The following ATRX variants were observed in gnomAD, a reference collection of about 807,000 sequenced individuals.
The protein encoded by ATRX is chromatin remodeler ATRX.
ATRX carries 12 observed loss-of-function variants against 172.6 expected under a neutral mutation model. The ratio of observed to expected loss-of-function variants is 0.07; its 90% CI spans 0.04 to 0.11. The LOEUF is 0.11. ATRX is among the 10% of genes least tolerant of loss of function. ATRX has a pLI of 1.00. For synonymous variants in ATRX, 674 were observed against 594.7 expected (o/e 1.13, Z -1.94); for missense variants, 1,368 against 1,767.4 (o/e 0.77, Z 4.05).
intron 30 of ATRX, among the ~76,000 whole-genome samples, chrX:77,530,053 T>C (rs2063518378): frequency 9.0e-6 from 1 of 111,225 alleles, no homozygotes; most frequent in Non-Finnish European, 1.9e-5. Flanking sequence ...AATAGGAAAA[T>C]ACTCCTCAGC....
rs782342279 is a variant in ATRX, at chrX:77,522,376, G to A, written c.6862C>T (p.Arg2288Cys). 4.1e-6 allele frequency: 5 copies of A among 1,208,073 alleles called. No individual in the cohort carries two copies. Among genetic ancestry groups the A allele is most frequent in the South Asian group, 1.8e-5 (1 of 56,790 alleles). Residue 2288 changes from arginine to cysteine, a missense_variant, in exon 32 of 35, where the codon CGT becomes TGT. This residue lies in a region of ATRX where 100 missense variants were observed against 153.9 expected (regional missense o/e 0.65). Coordinates refer to ENST00000373344, the MANE Select transcript of ATRX (RefSeq NM_000489.6). ...TTGGTCCCAGTTGGTATGTTGAAAC[G>A]CATGGTCAGTCCCTAAAAACAAAAA... ...YEAEKKGLTM[R>C]FNIPTGTNLP...
intron 3 of ATRX, among the ~76,000 whole-genome samples, chrX:77,698,220 G>A (rs1355281637): frequency 9.0e-6 from 1 of 111,196 alleles, no homozygotes; most frequent in Non-Finnish European, 1.9e-5. Context: ...GTTATGAGTT[G>A]CTATAATAAT....
chrX:77,632,586 C>A (rs1280885628), intron 19 of ATRX, among the ~76,000 whole-genome samples: 1 of 111,933 alleles, frequency 8.9e-6, no homozygotes, highest in African/African-American at 3.2e-5. Context: ...AATAAAACCT[C>A]AATAGTGTCT....
At chrX:77,555,377 A>G (rs2064734603) in intron 30 of ATRX, among the ~76,000 whole-genome samples, 2 of 111,776 alleles carry the variant, frequency 1.8e-5, no homozygotes, top group South Asian at 7.5e-4. Flanking sequence ...AAGGATTATA[A>G]ATCATTCTAC....
intron 1 of ATRX, among the ~76,000 whole-genome samples, chrX:77,739,224 G>A (rs782775787): frequency 9.0e-6 from 1 of 110,568 alleles, no homozygotes; most frequent in South Asian, 3.8e-4. Context: ...ACTTATGAGC[G>A]AGAACATAAC....
intron 34 of ATRX, among the ~76,000 whole-genome samples, chrX:77,511,939 C>T (rs2062884344): frequency 9.0e-6 from 1 of 111,326 alleles, no homozygotes; most frequent in Admixed American, 9.6e-5. Context: ...TTCCCCAAGC[C>T]TAGAGAAAAC....
chrX:77,708,735 G>T (rs1211808644), intron 2 of ATRX, among the ~76,000 whole-genome samples: 1 of 111,605 alleles, frequency 9.0e-6, no homozygotes, highest in Non-Finnish European at 1.9e-5. Context: ...TTAGAGCTAG[G>T]GGGTGATAGC....
At chrX:77,555,906 G>A (rs1557058715) in intron 30 of ATRX, among the ~76,000 whole-genome samples, 1 of 109,652 alleles carries the variant, frequency 9.1e-6, no homozygotes, top group Non-Finnish European at 1.9e-5. Context: ...CAGGCGCGGT[G>A]GCTCACACCT....
At chrX:77,625,157 T>C (rs1557102178) in intron 19 of ATRX, among the ~76,000 whole-genome samples, 1 of 112,152 alleles carries the variant, frequency 8.9e-6, no homozygotes, top group African/African-American at 3.2e-5. Flanking sequence ...GACACCCTTT[T>C]CAACAAATGG....
intron 27 of ATRX, among the ~76,000 whole-genome samples, chrX:77,582,289 A>C (rs966342073): frequency 1.0e-4 from 11 of 109,363 alleles, no homozygotes; most frequent in Non-Finnish European, 2.1e-4. Context: ...AATCTCAGCT[A>C]CTCAGGAGGC....
At chrX:77,712,318 T>C (rs993632474) in intron 2 of ATRX, among the ~76,000 whole-genome samples, 7 of 112,303 alleles carry the variant, frequency 6.2e-5, no homozygotes. Flanking sequence ...CAATTGGTAT[T>C]TGTGAGTGAC....
intron 15 of ATRX, among the ~76,000 whole-genome samples, chrX:77,637,733 A>T (rs1282019416): frequency 9.1e-6 from 1 of 109,595 alleles, no homozygotes; most frequent in Non-Finnish European, 1.9e-5. Flanking sequence ...CCTGAGGTCA[A>T]GAGTTCAAGA....
At chrX:77,625,837 T>C (rs1406761898) in intron 19 of ATRX, among the ~76,000 whole-genome samples, 1 of 108,403 alleles carries the variant, frequency 9.2e-6, no homozygotes, top group Non-Finnish European at 1.9e-5. Flanking sequence ...TGGAGATTCC[T>C]TAAAGAACTA....
At chrX:77,734,170 G>A (rs2074429205) in intron 1 of ATRX, among the ~76,000 whole-genome samples, 1 of 110,465 alleles carries the variant, frequency 9.1e-6, no homozygotes, top group African/African-American at 3.3e-5. Context: ...TCGTGCCAGT[G>A]CACTCCAGCC....
At chrX:77,696,797 G>A in intron 4 of ATRX, 93 bp from the exon 5 acceptor site, 3 of 927,589 alleles carry the variant, frequency 3.2e-6, no homozygotes, top group Non-Finnish European at 4.6e-6. Context: ...ATTGAGCAGT[G>A]GGTCTCAACA....
chrX:77,595,740 A>C (rs2066445267), intron 25 of ATRX: 1 of 111,626 alleles, frequency 9.0e-6, no homozygotes, highest in African/African-American at 3.2e-5. Context: ...TAGGCTTATC[A>C]GTTCCCTCCT....
At position 77,507,323 on chromosome X, in the gene ATRX, A is replaced by G. The variant is rs2062734099; in HGVS notation, c.*1028T>C. On this transcript the variant is annotated 3_prime_UTR_variant, in exon 35 of 35. Transcript: ENST00000373344. ...GGAATTATTTCACAATACTGATAGT[A>G]CTGGGAATTGTTAAAAGTACATTCC... The G allele has an allele frequency of 5.8e-6, 1 of 172,448 alleles. No individual in the cohort carries two copies. The highest frequency in any genetic ancestry group is 1.1e-5 in the Non-Finnish European group (1 of 90,225). The allele number at this position is 172,448 out of a possible 1,213,427, so 14.2% of individuals were successfully genotyped here.
chrX:77,683,528 T>C lies in ATRX; in HGVS notation c.1728A>G (p.Ser576=), dbSNP rs2148616057. 2 of 1,208,582 alleles carry C rather than the reference T, an allele frequency of 1.7e-6. No homozygotes were observed. Among genetic ancestry groups the C allele is most frequent in the Non-Finnish European group, 2.2e-6 (2 of 892,626 alleles). The change falls in exon 9 of 35, where the codon TCA becomes TCG. Residue 576 remains serine, a synonymous_variant. Transcript: ENST00000373344. Reference sequence around the variant, plus strand: ...CTTTTGTTACTTTAGCTGTAGTTTTTGATTTAATACCTCCTCTGTTGTCTT... The same window carrying C: ...CTTTTGTTACTTTAGCTGTAGTTTTCGATTTAATACCTCCTCTGTTGTCTT... ...SSKDNRGGIK[S]KTTAKVTKEL... is the part of the protein sequence containing the mutation.
intron 28 of ATRX, chrX:77,561,700 T>C (rs1557062073): frequency 9.0e-6 from 1 of 111,335 alleles, no homozygotes; most frequent in African/African-American, 3.3e-5. Context: ...CATGGTACTA[T>C]CTTTTTGTTT....
Sources: allele counts gnomAD v4.1 joint callset (sites outside exome capture counted in the v4.1 genomes callset), GRCh38; gene constraint gnomAD v4.1.1; regional missense constraint gnomAD v4.1.1; transcripts MANE v1.5; gene names NCBI Gene and HGNC (gene_info 2026-07-23, HGNC 2026-07-21).